CEP70: variants seen among roughly 807,000 people sequenced by gnomAD.
CEP70 encodes centrosomal protein 70.
A neutral mutation model predicts 90.9 loss-of-function variants in CEP70; 70 were observed. That is an observed-to-expected ratio of 0.77 (90% CI 0.64 to 0.94). CEP70 has a LOEUF of 0.94. CEP70 is among the 40% of genes least tolerant of loss of function. The pLI is 0.00. For missense variants in CEP70, 648 were observed against 669.0 expected, an observed-to-expected ratio of 0.97 and a Z score of 0.35; for synonymous variants, 220 against 228.3, an observed-to-expected ratio of 0.96 and a Z score of 0.33.
chr3:138,496,739 T>A, intron 17 of CEP70: 2 of 985,410 alleles, frequency 2.0e-6, no homozygotes, highest in Non-Finnish European at 2.4e-6. Flanking sequence ...GATTTAACTT[T>A]CCCAATGTTA....
intron 6 of CEP70, among the ~76,000 whole-genome samples, chr3:138,546,161 C>T (rs2039181334): frequency 6.6e-6 from 1 of 152,062 alleles, no homozygotes; most frequent in Admixed American, 6.5e-5. Flanking sequence ...CCCCGGAGGC[C>T]CAGCTGTAAA....
rs552465533 is a variant in CEP70 at position 138,577,566 on chromosome 3, T to G, written c.-5-4634A>C. On this transcript the variant is annotated intron_variant, in intron 2 of 17. Transcript: ENST00000264982. ...GAGAGGCTGAGACAGGAGAATCACT[T>G]GAACCCAGGAGATGGAAGTTGCAGT... is the stretch of plus-strand genomic sequence containing the variant. Among the ~76,000 whole-genome samples, 11 of 152,266 alleles carry G rather than the reference T, an allele frequency of 7.2e-5. No homozygotes were observed. The East Asian group carries it at 2.1e-3, about 29-fold the overall frequency.
At chr3:138,499,664 T>C (rs1389586821) in intron 16 of CEP70, among the ~76,000 whole-genome samples, 1 of 152,066 alleles carries the variant, frequency 6.6e-6, no homozygotes, top group Non-Finnish European at 1.5e-5. Context: ...AGGCTGGGCA[T>C]GGTAGCTCAC....
chr3:138,568,226 G>A (rs1471829423), intron 6 of CEP70, among the ~76,000 whole-genome samples: 2 of 152,140 alleles, frequency 1.3e-5, no homozygotes, highest in Non-Finnish European at 2.9e-5. Context: ...AAGAGCTAAA[G>A]GCACGATAAA....
In CEP70 at chr3:138,556,137, T is replaced by C. The variant is rs187617831; in HGVS notation, c.465+14181A>G. 2.8e-4 allele frequency among the ~76,000 whole-genome samples: 43 copies of C among 152,298 alleles called. No individual in the cohort carries two copies. The East Asian group carries it at 7.9e-3, about 28-fold the overall frequency. On this transcript the variant is annotated intron_variant, in intron 6 of 17. Transcript: ENST00000264982. ...ATTCGCAGCAATCTGGACAGGATTG[T>C]AGACTATTATTCTAAGTGAAGTAAC...
chr3:138,593,691 G>A (rs932797108), intron 1 of CEP70: 1 of 152,140 alleles, frequency 6.6e-6, no homozygotes, highest in African/African-American at 2.4e-5. Flanking sequence ...TTAATAAACT[G>A]GAGAAAGAGA....
At chr3:138,499,863 A>G (rs2034326617) in intron 16 of CEP70, 1 of 382,642 alleles carries the variant, frequency 2.6e-6, no homozygotes, top group African/African-American at 2.1e-5. Flanking sequence ...AAAAGATGCT[A>G]TTCCAAACAG....
intron 6 of CEP70, among the ~76,000 whole-genome samples, chr3:138,556,984 C>T (rs925259487): frequency 3.3e-5 from 5 of 152,094 alleles, no homozygotes; most frequent in African/African-American, 9.7e-5. Context: ...GGAATTTCCT[C>T]GTCCTAATAA....
At chr3:138,509,280 A>G (rs1291713369) in intron 11 of CEP70, among the ~76,000 whole-genome samples, 1 of 152,142 alleles carries the variant, frequency 6.6e-6, no homozygotes, top group Non-Finnish European at 1.5e-5. Context: ...GGGAAGGGCC[A>G]CTGGTTTGGG....
intron 6 of CEP70, among the ~76,000 whole-genome samples, chr3:138,555,007 C>G (rs532535512): frequency 6.6e-6 from 1 of 152,230 alleles, no homozygotes; most frequent in South Asian, 2.1e-4. Flanking sequence ...GTAATCCCAG[C>G]ACTCTGGGAG....
At chr3:138,538,333 G>C (rs1252158427) in intron 6 of CEP70, among the ~76,000 whole-genome samples, 1 of 152,136 alleles carries the variant, frequency 6.6e-6, no homozygotes, top group African/African-American at 2.4e-5. Context: ...GGTTCGCTGG[G>C]TATGAAACCC....
At chr3:138,495,981 A>G (rs772741308) in intron 17 of CEP70, 7 of 985,282 alleles carry the variant, frequency 7.1e-6, no homozygotes, top group Non-Finnish European at 8.4e-6. Context: ...CTTTTTTGAC[A>G]GGCTCTTTCT....
chr3:138,494,972 G>T lies in CEP70; in HGVS notation c.*43C>A. ...AGATCAATCCTACAAAATACAAAAT[G>T]TTAAGAATACAATTTACACAGTAAA... On this transcript the variant is annotated 3_prime_UTR_variant, in exon 18 of 18. Coordinates refer to ENST00000264982, the MANE Select transcript of CEP70 (RefSeq NM_024491.4). 1 of 1,070,962 alleles carries T rather than the reference G, an allele frequency of 9.3e-7. No individual in the cohort carries two copies. Among genetic ancestry groups the T allele is most frequent in the Non-Finnish European group, 1.4e-6 (1 of 706,480 alleles). 66.3% of individuals were successfully genotyped at this position (1,070,962 alleles called of 1,614,324 possible). A position where few individuals can be genotyped will look rare whatever the true frequency, so the allele number is the denominator to read the frequency against.
intron 17 of CEP70, chr3:138,496,360 AC>A (rs1365982705): frequency 9.3e-5 from 92 of 985,308 alleles, no homozygotes; most frequent in Non-Finnish European, 1.1e-4. Context: ...GTCTGAACCC[AC>A]TAACAAAGCA....
chr3:138,582,283 C>T (rs1019603793), intron 2 of CEP70, among the ~76,000 whole-genome samples: 4 of 152,014 alleles, frequency 2.6e-5, no homozygotes, highest in Admixed American at 1.3e-4. Context: ...ACCAGCCTGG[C>T]CAAGATGGTG....
intron 10 of CEP70, 32 bp downstream of exon 10, chr3:138,529,167 G>GAAAA: frequency 1.3e-5 from 15 of 1,180,396 alleles, no homozygotes; most frequent in African/African-American, 3.4e-5. Context: ...CCTGTCTCAG[G>GAAAA]AAAAAAAAAA....
chr3:138,550,395 C>T (rs2107942201), intron 6 of CEP70, among the ~76,000 whole-genome samples: 1 of 152,310 alleles, frequency 6.6e-6, no homozygotes, highest in Middle Eastern at 3.4e-3. Flanking sequence ...CGGAGTTTCG[C>T]TCTTGTCACC....
chr3:138,517,896 C>A (rs772162939), intron 11 of CEP70, among the ~76,000 whole-genome samples: 18 of 152,172 alleles, frequency 1.2e-4, no homozygotes, highest in Non-Finnish European at 1.9e-4. Context: ...TCGCCTCACC[C>A]GGGAAGCACA....
chr3:138,545,277 A>G (rs1403426082), intron 6 of CEP70, among the ~76,000 whole-genome samples: 2 of 152,314 alleles, frequency 1.3e-5, no homozygotes, highest in South Asian at 2.1e-4. Context: ...TCAGTTCCCA[A>G]AATTAATACT....
Sources: gnomAD v4.1 joint callset for allele counts (sites outside exome capture counted in the v4.1 genomes callset) on GRCh38, gnomAD v4.1.1 for gene constraint, MANE v1.5 for transcripts, NCBI Gene and HGNC (gene_info 2026-07-23, HGNC 2026-07-21) for gene names.